The following GPC5 variants were observed in gnomAD, a reference collection of about 807,000 sequenced individuals.
GPC5 encodes glypican 5.
A neutral mutation model predicts 53.9 loss-of-function variants in GPC5; 47 were observed. The ratio of observed to expected loss-of-function variants is 0.87; its 90% CI spans 0.69 to 1.11. GPC5 has a LOEUF of 1.11. Among genes scored for constraint, GPC5 ranks in the 50% most tolerant of loss-of-function variants. The probability of loss-of-function intolerance (pLI) is 0.00; values close to 1 mark genes in which losing one functional copy is unlikely to be tolerated. For synonymous variants in GPC5, 286 were observed against 263.3 expected (o/e 1.09, Z -0.84); for missense variants, 748 against 713.1 (o/e 1.05, Z -0.56).
chr13:91,752,831 A>G (rs2037207877), intron 4 of GPC5, among the ~76,000 whole-genome samples: 1 of 152,242 alleles, frequency 6.6e-6, no homozygotes, highest in African/African-American at 2.4e-5. Context: ...AGTAGCATCA[A>G]CATCACATGA....
intron 7 of GPC5, among the ~76,000 whole-genome samples, chr13:92,771,153 A>G (rs1875598482): frequency 6.6e-6 from 1 of 152,044 alleles, no homozygotes; most frequent in South Asian, 2.1e-4. Context: ...CCTGTCAGGG[A>G]TAAAAGTCTG....
intron 6 of GPC5, among the ~76,000 whole-genome samples, chr13:91,929,157 A>T (rs576933784): frequency 6.6e-6 from 1 of 152,192 alleles, no homozygotes; most frequent in East Asian, 1.9e-4. Context: ...ATAATTTTAA[A>T]TATTATTCTT....
chr13:91,835,064 C>G (rs1363097474), intron 5 of GPC5, among the ~76,000 whole-genome samples: 1 of 152,002 alleles, frequency 6.6e-6, no homozygotes, highest in African/African-American at 2.4e-5. Flanking sequence ...ACAACCCCAT[C>G]AAAAAGTGGG....
chr13:92,414,227 G>T lies in GPC5; in HGVS notation c.1561+269238G>T, dbSNP rs1297720264. On this transcript the variant is annotated intron_variant, in intron 7 of 7. Coordinates refer to ENST00000377067, the MANE Select transcript of GPC5 (RefSeq NM_004466.6). ...ATTATGTAGTTAAATTCTTTGGGCT[G>T]GGTGCAGTGGCTCATGCCTGTAATC... is the stretch of plus-strand genomic sequence containing the variant. Among the ~76,000 whole-genome samples, 3 of 152,088 alleles carry T rather than the reference G, an allele frequency of 2.0e-5. No individual in the cohort carries two copies. In the East Asian group the frequency reaches 5.8e-4, roughly 29 times the overall value.
chr13:92,633,236 T>C (rs1885313346), intron 7 of GPC5, among the ~76,000 whole-genome samples: 1 of 152,114 alleles, frequency 6.6e-6, no homozygotes, highest in African/African-American at 2.4e-5. Flanking sequence ...TCATTCACTA[T>C]CATGAGAACG....
chr13:92,370,580 G>GA (rs1320871269), intron 7 of GPC5, among the ~76,000 whole-genome samples: 3 of 151,688 alleles, frequency 2.0e-5, no homozygotes, highest in East Asian at 1.9e-4. Flanking sequence ...CTGTTAAATG[G>GA]AAAAAATATA....
intron 2 of GPC5, among the ~76,000 whole-genome samples, chr13:91,544,397 T>G (rs1396340684): frequency 6.6e-6 from 1 of 152,196 alleles, no homozygotes; most frequent in Non-Finnish European, 1.5e-5. Flanking sequence ...GGTTAGAGAT[T>G]GTGGGCAGTT....
rs79886114 is a variant in GPC5 at position 91,765,425 on chromosome 13, A to G, written c.1280+9005A>G. Among the ~76,000 whole-genome samples, 56 of 152,370 alleles carry G rather than the reference A, an allele frequency of 3.7e-4. 1 individual carries two copies. Among genetic ancestry groups the G allele is most frequent in the African/African-American group, 1.2e-3 (51 of 41,598 alleles). ...GCACCTCACTGAAAGTGAGGGGTGT[A>G]TGCCATCTATTGTCCCTTGTTCTTG... On this transcript the variant is annotated intron_variant, in intron 5 of 7. Coordinates refer to ENST00000377067, the MANE Select transcript of GPC5 (RefSeq NM_004466.6).
chr13:91,719,537 A>G (rs1337472686), intron 3 of GPC5, among the ~76,000 whole-genome samples: 1 of 152,180 alleles, frequency 6.6e-6, no homozygotes, highest in African/African-American at 2.4e-5. Context: ...ATTATTTCCT[A>G]CCATTCCAGC....
chr13:92,209,726 T>C (rs1282108409), intron 7 of GPC5, among the ~76,000 whole-genome samples: 1 of 152,146 alleles, frequency 6.6e-6, no homozygotes, highest in Non-Finnish European at 1.5e-5. Flanking sequence ...AAAATTATGT[T>C]TGTATTCTCA....
chr13:92,625,854 A>T (rs1439433110), intron 7 of GPC5, among the ~76,000 whole-genome samples: 4 of 152,200 alleles, frequency 2.6e-5, no homozygotes, highest in African/African-American at 9.7e-5. Flanking sequence ...CTCAAAGGTG[A>T]TGTCACCAAG....
chr13:91,516,176 A>G (rs1180645615), intron 2 of GPC5, among the ~76,000 whole-genome samples: 2 of 152,016 alleles, frequency 1.3e-5, no homozygotes, highest in African/African-American at 2.4e-5. Context: ...CAGTCCCCCA[A>G]AGTCTTAACT....
intron 2 of GPC5, among the ~76,000 whole-genome samples, chr13:91,515,550 C>A (rs993684261): frequency 2.0e-5 from 3 of 152,054 alleles, no homozygotes; most frequent in African/African-American, 7.2e-5. Context: ...TTTGTTTGAC[C>A]CCAAATCCCT....
intron 7 of GPC5, among the ~76,000 whole-genome samples, chr13:92,608,268 G>A (rs376020242): frequency 1.3e-4 from 20 of 152,236 alleles, no homozygotes; most frequent in South Asian, 2.1e-4. Flanking sequence ...TCAACTGTAC[G>A]TTGTTATTAA....
At chr13:92,205,719 G>A (rs551642250) in intron 7 of GPC5, among the ~76,000 whole-genome samples, 2 of 152,170 alleles carry the variant, frequency 1.3e-5, no homozygotes, top group Admixed American at 1.3e-4. Context: ...CCTAACGTTT[G>A]GAGGAGCCAT....
intron 7 of GPC5, among the ~76,000 whole-genome samples, chr13:92,257,546 A>ATTTTTTTTTGTTTTTTTTTTTTTTTTT (rs2042735318): frequency 1.4e-5 from 1 of 72,966 alleles, no homozygotes; most frequent in Non-Finnish European, 2.3e-5. Context: ...TAATACAGGG[A>ATTTTTTTTTGTTTTTTTTTTTTTTTTT]TTTTTTTTTT....
At chr13:91,716,017 G>A (rs1290632666) in intron 3 of GPC5, among the ~76,000 whole-genome samples, 1 of 151,726 alleles carries the variant, frequency 6.6e-6, no homozygotes, top group Non-Finnish European at 1.5e-5. Flanking sequence ...GACCTCAAGC[G>A]ATTCTTCCAC....
intron 7 of GPC5, among the ~76,000 whole-genome samples, chr13:92,848,714 A>G (rs1878690534): frequency 6.6e-6 from 1 of 152,146 alleles, no homozygotes; most frequent in African/African-American, 2.4e-5. Flanking sequence ...CACTTGGGTA[A>G]AACACCACAG....
At chr13:92,659,150 G>A (rs1045676150) in intron 7 of GPC5, 1 of 150,922 alleles carries the variant, frequency 6.6e-6, no homozygotes, top group Non-Finnish European at 1.5e-5. Context: ...GGATGGTCTC[G>A]ATCTCCTGAC....
Sources: allele counts gnomAD v4.1 joint callset (sites outside exome capture counted in the v4.1 genomes callset), GRCh38; gene constraint gnomAD v4.1.1; transcripts MANE v1.5; gene names NCBI Gene and HGNC (gene_info 2026-07-23, HGNC 2026-07-21).